Variants in TMEM132D observed in about 807,000 individuals in gnomAD.
TMEM132D encodes the protein transmembrane protein 132D.
In TMEM132D, 21 loss-of-function variants were observed where a neutral mutation model predicts 62.3. That is an observed-to-expected ratio of 0.34 (90% CI 0.24 to 0.49). The LOEUF (loss-of-function observed/expected upper bound fraction) is 0.49, where lower values mean the gene tolerates loss of function less well. TMEM132D is among the 20% of genes least tolerant of loss of function. The probability of loss-of-function intolerance (pLI) is 0.99; values close to 1 mark genes in which losing one functional copy is unlikely to be tolerated. For missense variants in TMEM132D, 1,346 were observed against 1,402.8 expected, an observed-to-expected ratio of 0.96 and a Z score of 0.65; for synonymous variants, 621 against 575.6, an observed-to-expected ratio of 1.08 and a Z score of -1.13.
intron 2 of TMEM132D, among the ~76,000 whole-genome samples, chr12:129,623,927 C>T (rs1879146488): frequency 6.6e-6 from 1 of 151,984 alleles, no homozygotes; most frequent in South Asian, 2.1e-4. Flanking sequence ...TGGATAGATA[C>T]CCAGTAGTGG....
At chr12:129,092,452 G>A (rs1384987576) in intron 5 of TMEM132D, among the ~76,000 whole-genome samples, 1 of 151,912 alleles carries the variant, frequency 6.6e-6, no homozygotes, top group Non-Finnish European at 1.5e-5. Flanking sequence ...CTTAGTCTCT[G>A]TCTTGGATTA....
chr12:129,442,078 A>C (rs1200820638), intron 3 of TMEM132D, among the ~76,000 whole-genome samples: 1 of 152,154 alleles, frequency 6.6e-6, no homozygotes. Flanking sequence ...CCCAACCCCC[A>C]GTGTTACCCA....
At chr12:129,508,998 C>G (rs1377097861) in intron 3 of TMEM132D, among the ~76,000 whole-genome samples, 1 of 152,120 alleles carries the variant, frequency 6.6e-6, no homozygotes, top group African/African-American at 2.4e-5. Flanking sequence ...TAAAATGTAT[C>G]TGAAGACCTG....
intron 5 of TMEM132D, among the ~76,000 whole-genome samples, chr12:129,121,295 C>G (rs1199349712): frequency 6.6e-6 from 1 of 152,072 alleles, no homozygotes; most frequent in Non-Finnish European, 1.5e-5. Context: ...AGGGTTTTAA[C>G]ATGTTGGCCA....
chr12:129,740,427 T>C (rs1042122503), intron 1 of TMEM132D, among the ~76,000 whole-genome samples: 5 of 152,186 alleles, frequency 3.3e-5, no homozygotes, highest in Non-Finnish European at 5.9e-5. Context: ...GCATTATCCA[T>C]TTAAATGGAT....
intron 2 of TMEM132D, among the ~76,000 whole-genome samples, chr12:129,590,215 T>C (rs750627542): frequency 1.3e-5 from 2 of 152,178 alleles, no homozygotes; most frequent in African/African-American, 4.8e-5. Flanking sequence ...CCAGGTGCCG[T>C]CTCATTTGTG....
intron 2 of TMEM132D, among the ~76,000 whole-genome samples, chr12:129,670,262 A>G (rs1366125259): frequency 6.6e-6 from 1 of 152,206 alleles, no homozygotes; most frequent in East Asian, 1.9e-4. Context: ...GTCCTTTCCC[A>G]AAGCAGACCT....
rs570754844 is a variant in TMEM132D, at chr12:129,525,434, T to C, written c.1115+5625A>G. ...TGATACAGGCTCGGTATACCACTAA[T>C]GTGATTCATCTTGTACTTTGGCAAA... On this transcript the variant is annotated intron_variant, in intron 3 of 8. Transcript: ENST00000422113. Among the ~76,000 whole-genome samples, 30 of 152,088 alleles carry C rather than the reference T, an allele frequency of 2.0e-4. No individual in the cohort carries two copies. The South Asian group carries it at 6.2e-3, about 32-fold the overall frequency.
At chr12:129,259,815 T>G (rs75673458) in intron 4 of TMEM132D, among the ~76,000 whole-genome samples, 3,825 of 152,232 alleles carry the variant, frequency 0.025, 160 homozygotes, top group African/African-American at 0.087. Context: ...GTGACATTTG[T>G]GTGTGAGGGA....
chr12:129,248,073 CA>C (rs1179084922), intron 4 of TMEM132D, among the ~76,000 whole-genome samples: 1 of 152,144 alleles, frequency 6.6e-6, no homozygotes, highest in Non-Finnish European at 1.5e-5. Flanking sequence ...AAGTCTTCTA[CA>C]AAGAGTAGCA....
chr12:129,800,738 C>T (rs1037021734), intron 1 of TMEM132D, among the ~76,000 whole-genome samples: 3 of 152,066 alleles, frequency 2.0e-5, no homozygotes, highest in Admixed American at 6.5e-5. Flanking sequence ...GGAACAGCTC[C>T]GGTCTACAGC....
At chr12:129,561,599 A>G (rs1877234899) in intron 2 of TMEM132D, among the ~76,000 whole-genome samples, 2 of 152,224 alleles carry the variant, frequency 1.3e-5, no homozygotes, top group Middle Eastern at 3.2e-3. Context: ...AAGCTGCATA[A>G]TATACCCACA....
At chr12:129,614,726 C>T (rs886879020) in intron 2 of TMEM132D, among the ~76,000 whole-genome samples, 4 of 152,164 alleles carry the variant, frequency 2.6e-5, no homozygotes, top group Non-Finnish European at 1.5e-5. Context: ...CACACACACA[C>T]GCCCCGCCTA....
chr12:129,125,168 T>A (rs1876177047), intron 5 of TMEM132D, among the ~76,000 whole-genome samples: 1 of 152,194 alleles, frequency 6.6e-6, no homozygotes, highest in East Asian at 1.9e-4. Flanking sequence ...TGGAAGTGTG[T>A]TCATTTCCAG....
intron 1 of TMEM132D, among the ~76,000 whole-genome samples, chr12:129,876,966 C>T (rs1566016786): frequency 6.6e-6 from 1 of 151,978 alleles, no homozygotes; most frequent in Non-Finnish European, 1.5e-5. Flanking sequence ...GGGAGGGTTC[C>T]CCAAAAGGAA....
At chr12:129,591,181 G>A (rs182195341) in intron 2 of TMEM132D, among the ~76,000 whole-genome samples, 1 of 152,216 alleles carries the variant, frequency 6.6e-6, no homozygotes, top group African/African-American at 2.4e-5. Context: ...AGGGGGCACT[G>A]TTGAGGGCCC....
chr12:129,820,022 T>C (rs1262139891), intron 1 of TMEM132D, among the ~76,000 whole-genome samples: 2 of 152,114 alleles, frequency 1.3e-5, no homozygotes, highest in East Asian at 1.9e-4. Flanking sequence ...CCTTCCTCCA[T>C]GAAAAGCTCA....
In TMEM132D at chr12:129,111,970, G is replaced by A. The variant is rs368378181; in HGVS notation, c.1444-27268C>T. Among the ~76,000 whole-genome samples, 12 of 152,154 alleles carry A rather than the reference G, an allele frequency of 7.9e-5. No homozygotes were observed. In the East Asian group the frequency reaches 1.2e-3, roughly 15 times the overall value. ...CTTGGCACTCTTCATCATGATGCCC[G>A]TGTTTTGCTGCTGGTGGAGGGGCGT... On this transcript the variant is annotated intron_variant, in intron 5 of 8. Coordinates refer to ENST00000422113, the MANE Select transcript of TMEM132D (RefSeq NM_133448.3).
At chr12:129,270,700 A>T (rs1880830796) in intron 4 of TMEM132D, among the ~76,000 whole-genome samples, 1 of 152,178 alleles carries the variant, frequency 6.6e-6, no homozygotes, top group Non-Finnish European at 1.5e-5. Flanking sequence ...GGCAGCTTGC[A>T]GTTCAAGTTA....
Sources: allele counts gnomAD v4.1 joint callset (sites outside exome capture counted in the v4.1 genomes callset), GRCh38; gene constraint gnomAD v4.1.1; transcripts MANE v1.5; gene names NCBI Gene and HGNC (gene_info 2026-07-23, HGNC 2026-07-21).